The following PLCH1 variants were observed in gnomAD, a reference collection of about 807,000 sequenced individuals.
The protein encoded by PLCH1 is phospholipase C eta 1.
Under a neutral mutation model 126.7 loss-of-function variants are expected in PLCH1, and 60 were observed. The ratio of observed to expected loss-of-function variants is 0.47; its 90% CI spans 0.38 to 0.59. The LOEUF (loss-of-function observed/expected upper bound fraction) is 0.59, where lower values mean the gene tolerates loss of function less well. Among genes scored for constraint, PLCH1 ranks in the 20% least tolerant of loss-of-function variants. The pLI, the probability that PLCH1 is intolerant of heterozygous loss-of-function variation, is 0.00. For missense variants in PLCH1, 1,723 were observed against 2,040.0 expected (o/e 0.84, Z 2.99); for synonymous variants, 719 against 734.9 (o/e 0.98, Z 0.35).
chr3:155,471,283 T>G (rs1713216585), intron 21 of PLCH1, among the ~76,000 whole-genome samples: 1 of 152,134 alleles, frequency 6.6e-6, no homozygotes, highest in Non-Finnish European at 1.5e-5. Flanking sequence ...AATCCTAGTC[T>G]CTGATAAAAC....
chr3:155,540,517 T>A (rs903769292), intron 10 of PLCH1, among the ~76,000 whole-genome samples: 2 of 151,944 alleles, frequency 1.3e-5, no homozygotes, highest in Admixed American at 1.3e-4. Flanking sequence ...ATATCTACAA[T>A]CTACAAGGAA....
intron 10 of PLCH1, among the ~76,000 whole-genome samples, chr3:155,531,435 G>C (rs1391726660): frequency 6.6e-6 from 1 of 152,180 alleles, no homozygotes; most frequent in African/African-American, 2.4e-5. Context: ...GACCAGCCTG[G>C]CCAACATGAT....
intron 2 of PLCH1, among the ~76,000 whole-genome samples, chr3:155,656,213 T>TG (rs1488720739): frequency 6.7e-6 from 1 of 148,398 alleles, no homozygotes; most frequent in Non-Finnish European, 1.5e-5. Flanking sequence ...ACCAGACCAA[T>TG]GTGATTTAAT....
chr3:155,477,239 C>A (rs889232596), downstream of PLCH1, among the ~76,000 whole-genome samples: 2 of 151,970 alleles, frequency 1.3e-5, no homozygotes, highest in African/African-American at 4.8e-5. Context: ...TCGCCATATA[C>A]AAAAATCAAA....
intron 2 of PLCH1, among the ~76,000 whole-genome samples, chr3:155,621,812 A>G (rs1431205873): frequency 3.3e-5 from 5 of 152,178 alleles, no homozygotes; most frequent in African/African-American, 1.2e-4. Flanking sequence ...TGACGGGGAG[A>G]ATGGAACCAA....
In PLCH1 at chr3:155,698,471, T is replaced by C. The variant is rs113964997; in HGVS notation, c.79+5675A>G. 6.7e-4 allele frequency among the ~76,000 whole-genome samples: 102 copies of C among 152,220 alleles called. 3 individuals carry two copies. Among genetic ancestry groups the C allele is most frequent in the African/African-American group, 2.4e-3 (99 of 41,460 alleles). ...TTTGTAAGGCCTGAATGGATGGCTA[T>C]GATTTCCCTCAGACAGGGGAAGAAG... On this transcript the variant is annotated intron_variant, in intron 2 of 22. Transcript: ENST00000460012.
chr3:155,652,623 T>C (rs1202655834), intron 2 of PLCH1, among the ~76,000 whole-genome samples: 1 of 152,220 alleles, frequency 6.6e-6, no homozygotes, highest in Non-Finnish European at 1.5e-5. Context: ...GCTTATTACA[T>C]GCAGGAAGAG....
chr3:155,477,543 C>A (rs966954786), downstream of PLCH1, among the ~76,000 whole-genome samples: 1 of 151,888 alleles, frequency 6.6e-6, no homozygotes, highest in Non-Finnish European at 1.5e-5. Flanking sequence ...TCAAACAACT[C>A]TATAGAAAAA....
At chr3:155,728,968 C>T (rs2109167000) in intron 1 of PLCH1, among the ~76,000 whole-genome samples, 1 of 152,252 alleles carries the variant, frequency 6.6e-6, no homozygotes, top group African/African-American at 2.4e-5. Context: ...TTTTACAATT[C>T]TTATTTAATC....
chr3:155,521,846 T>C (rs1721144351), intron 11 of PLCH1, among the ~76,000 whole-genome samples: 1 of 152,208 alleles, frequency 6.6e-6, no homozygotes, highest in Admixed American at 6.5e-5. Flanking sequence ...AAGAGATGCC[T>C]ATAAACATTT....
chr3:155,662,783 G>GC (rs1331185641), intron 2 of PLCH1, among the ~76,000 whole-genome samples: 2 of 151,994 alleles, frequency 1.3e-5, no homozygotes, highest in Non-Finnish European at 2.9e-5. Flanking sequence ...TCATCCCTCA[G>GC]CCTCCAAGTA....
At position 155,549,978 on chromosome 3, in the gene PLCH1, G is replaced by C; in HGVS notation, c.1191-20C>G. The C allele has an allele frequency of 6.3e-7, 1 of 1,597,916 alleles. No individual in the cohort carries two copies. The highest frequency in any genetic ancestry group is 8.5e-7 in the Non-Finnish European group (1 of 1,170,938). Reference sequence around the variant, plus strand: ...GGAAACCTGAGAAAAGAGCAACACAGTCCAGAGGCGTCAGGTGCAGGCAAC... The same window carrying C: ...GGAAACCTGAGAAAAGAGCAACACACTCCAGAGGCGTCAGGTGCAGGCAAC... On this transcript the variant is annotated intron_variant, in intron 9 of 22. Transcript: ENST00000460012.
chr3:155,696,504 G>C (rs1745816016), intron 2 of PLCH1, among the ~76,000 whole-genome samples: 1 of 152,094 alleles, frequency 6.6e-6, no homozygotes, highest in Non-Finnish European at 1.5e-5. Context: ...CAATTTCTGT[G>C]CATACATTAG....
chr3:155,595,424 A>T (rs969787726), intron 3 of PLCH1, among the ~76,000 whole-genome samples: 2 of 152,204 alleles, frequency 1.3e-5, no homozygotes, highest in East Asian at 3.9e-4. Flanking sequence ...TTCTTCTGGT[A>T]TCAACTCATT....
intron 21 of PLCH1, among the ~76,000 whole-genome samples, chr3:155,464,285 A>G (rs1397288878): frequency 6.6e-6 from 1 of 152,116 alleles, no homozygotes; most frequent in African/African-American, 2.4e-5. Flanking sequence ...CACAAATCAA[A>G]GACTCTCTAT....
At chr3:155,646,751 G>A (rs563403025) in intron 2 of PLCH1, among the ~76,000 whole-genome samples, 5 of 152,160 alleles carry the variant, frequency 3.3e-5, no homozygotes, top group Admixed American at 6.5e-5. Flanking sequence ...CCTCCCTAAC[G>A]AGTCAGCTTA....
At chr3:155,533,857 G>A (rs923859952) in intron 10 of PLCH1, among the ~76,000 whole-genome samples, 2 of 152,244 alleles carry the variant, frequency 1.3e-5, no homozygotes, top group African/African-American at 4.8e-5. Context: ...GCTTCAGAGG[G>A]TGTAAGCTCC....
chr3:155,587,940 G>A (rs1041390480), intron 4 of PLCH1, among the ~76,000 whole-genome samples: 3 of 152,144 alleles, frequency 2.0e-5, no homozygotes, highest in Non-Finnish European at 4.4e-5. Context: ...AAAGAATAAG[G>A]TGATAGATAG....
chr3:155,549,979 T>C (rs766851605), intron 9 of PLCH1, 21 bp from the exon 10 acceptor site: 1 of 1,598,258 alleles, frequency 6.3e-7, no homozygotes, highest in South Asian at 1.1e-5. Flanking sequence ...AGCAACACAG[T>C]CCAGAGGCGT....
Sources: gnomAD v4.1 joint callset for allele counts (sites outside exome capture counted in the v4.1 genomes callset) on GRCh38, gnomAD v4.1.1 for gene constraint, MANE v1.5 for transcripts, NCBI Gene and HGNC (gene_info 2026-07-23, HGNC 2026-07-21) for gene names.